The following ZBTB20 variants were observed in gnomAD, a reference collection of about 807,000 sequenced individuals.
The protein encoded by ZBTB20 is zinc finger and BTB domain containing 20, also known as zinc finger and BTB domain-containing protein 20.
ZBTB20 carries 9 observed loss-of-function variants against 56.9 expected under a neutral mutation model. That is an observed-to-expected ratio of 0.16 (90% CI 0.10 to 0.28). The LOEUF is 0.28. Ranked by LOEUF, ZBTB20 falls within the 10% of genes least tolerant of loss-of-function variation. The pLI is 1.00. For missense variants in ZBTB20, 655 were observed against 1,003.0 expected, an observed-to-expected ratio of 0.65 and a Z score of 4.69; for synonymous variants, 417 against 420.7, an observed-to-expected ratio of 0.99 and a Z score of 0.11.
chr3:115,011,211 G>A (rs1414121012), intron 2 of ZBTB20, among the ~76,000 whole-genome samples: 1 of 151,800 alleles, frequency 6.6e-6, no homozygotes, highest in East Asian at 1.9e-4. Flanking sequence ...AGGAGGAAGA[G>A]AAAGAGACAG....
intron 1 of ZBTB20, among the ~76,000 whole-genome samples, chr3:115,134,273 T>A (rs1412206104): frequency 6.6e-6 from 1 of 152,244 alleles, no homozygotes; most frequent in Non-Finnish European, 1.5e-5. Flanking sequence ...TTTTAATTTC[T>A]ATGTAGATTT....
chr3:115,114,661 T>G (rs2083969364), intron 1 of ZBTB20, among the ~76,000 whole-genome samples: 1 of 152,114 alleles, frequency 6.6e-6, no homozygotes, highest in East Asian at 1.9e-4. Context: ...TAGAAACTAG[T>G]TTTACAAATA....
chr3:114,357,335 C>T (rs543222411), intron 10 of ZBTB20: 1 of 152,170 alleles, frequency 6.6e-6, no homozygotes, highest in Non-Finnish European at 1.5e-5. Flanking sequence ...GGAATGGCTA[C>T]CTATGAAAGT....
chr3:114,561,537 T>C (rs541846072), intron 6 of ZBTB20, among the ~76,000 whole-genome samples: 27 of 152,290 alleles, frequency 1.8e-4, no homozygotes, highest in Admixed American at 9.8e-4. Flanking sequence ...TCAGAGTTTT[T>C]CGGTGACCAG....
intron 7 of ZBTB20, among the ~76,000 whole-genome samples, chr3:114,458,407 A>G (rs2092148930): frequency 6.6e-6 from 1 of 152,202 alleles, no homozygotes; most frequent in Non-Finnish European, 1.5e-5. Flanking sequence ...TGAATGGGCA[A>G]AAGAATTAAA....
At chr3:115,071,924 T>C (rs1393997157) in intron 1 of ZBTB20, among the ~76,000 whole-genome samples, 2 of 152,118 alleles carry the variant, frequency 1.3e-5, no homozygotes, top group Admixed American at 6.6e-5. Context: ...TTGCAGCTGG[T>C]CATGCATGCC....
chr3:114,565,000 A>G (rs2052547774), intron 6 of ZBTB20, among the ~76,000 whole-genome samples: 1 of 152,152 alleles, frequency 6.6e-6, no homozygotes, highest in Non-Finnish European at 1.5e-5. Context: ...ATTGTTTCCA[A>G]TGAACACTAA....
At chr3:114,596,639 C>T (rs898571056) in intron 6 of ZBTB20, among the ~76,000 whole-genome samples, 7 of 152,118 alleles carry the variant, frequency 4.6e-5, no homozygotes, top group Admixed American at 4.6e-4. Flanking sequence ...ATGTACACAG[C>T]CGGCCACAGC....
At chr3:114,633,769 T>A (rs1372907058) in intron 6 of ZBTB20, among the ~76,000 whole-genome samples, 1 of 152,124 alleles carries the variant, frequency 6.6e-6, no homozygotes, top group African/African-American at 2.4e-5. Flanking sequence ...GAAATACAAA[T>A]GCACAATATT....
chr3:114,416,783 A>G (rs140343441), intron 7 of ZBTB20, among the ~76,000 whole-genome samples: 109 of 152,252 alleles, frequency 7.2e-4, no homozygotes, highest in African/African-American at 2.6e-3. Context: ...CTTGGTGTAT[A>G]GAGTCCCAAG....
At chr3:114,888,985 T>G (rs1329417355) in intron 4 of ZBTB20, among the ~76,000 whole-genome samples, 2 of 152,160 alleles carry the variant, frequency 1.3e-5, no homozygotes, top group African/African-American at 4.8e-5. Flanking sequence ...TGGTATAATC[T>G]TCTTTTGATA....
chr3:115,114,812 AG>A (rs1338478631), intron 1 of ZBTB20, among the ~76,000 whole-genome samples: 1 of 152,142 alleles, frequency 6.6e-6, no homozygotes, highest in Non-Finnish European at 1.5e-5. Flanking sequence ...TTAAAAAGAC[AG>A]ATCGAATATG....
chr3:114,380,706 C>G, intron 9 of ZBTB20, 71 bp downstream of exon 9: 4 of 1,452,822 alleles, frequency 2.8e-6, no homozygotes, highest in Non-Finnish European at 2.7e-6. Context: ...CTGACATTAT[C>G]CAAGAAAGCA....
chr3:114,417,744 T>G (rs899182892), intron 7 of ZBTB20, among the ~76,000 whole-genome samples: 1 of 152,014 alleles, frequency 6.6e-6, no homozygotes, highest in Non-Finnish European at 1.5e-5. Context: ...CTGTCTTTAA[T>G]GTAAAGGAAA....
In ZBTB20 at chr3:114,391,043, T is replaced by C. The variant is rs138261133; in HGVS notation, c.-254-1938A>G. On this transcript the variant is annotated intron_variant, in intron 7 of 11. Coordinates refer to ENST00000675478, the MANE Select transcript of ZBTB20 (RefSeq NM_001348800.3). ...AGCTACCCAATCCTGTAGATTCTAC[T>C]CTGATTGTGATTCCTGAATCAATAC... Among the ~76,000 whole-genome samples, 5 of 152,216 alleles carry C rather than the reference T, an allele frequency of 3.3e-5. No homozygotes were observed. In the East Asian group the frequency reaches 9.7e-4, roughly 29 times the overall value.
At chr3:114,651,886 G>A (rs1170958548) in intron 6 of ZBTB20, among the ~76,000 whole-genome samples, 1 of 151,898 alleles carries the variant, frequency 6.6e-6, no homozygotes, top group African/African-American at 2.4e-5. Flanking sequence ...ACATCTCTTG[G>A]AATCAGAGCA....
At chr3:114,617,043 A>C (rs1040028770) in intron 6 of ZBTB20, among the ~76,000 whole-genome samples, 1 of 151,902 alleles carries the variant, frequency 6.6e-6, no homozygotes, top group Non-Finnish European at 1.5e-5. Flanking sequence ...TTGCCTCCTA[A>C]CTCATTTTCT....
In ZBTB20 at chr3:114,911,731, A is replaced by G. The variant is rs528970657; in HGVS notation, c.-455-11389T>C. ...ATTACCCACCTAGAGGAACAACAAGAAAAAGACTGAAAAAGCATGATGAAA... is the reference window on the plus strand; with the variant it reads ...ATTACCCACCTAGAGGAACAACAAGGAAAAGACTGAAAAAGCATGATGAAA... On this transcript the variant is annotated intron_variant, in intron 3 of 11. Coordinates refer to ENST00000675478, the MANE Select transcript of ZBTB20 (RefSeq NM_001348800.3). Among the ~76,000 whole-genome samples the G allele has an allele frequency of 1.1e-4, 17 of 152,084 alleles. No individual in the cohort carries two copies. In the South Asian group the frequency reaches 1.2e-3, roughly 11 times the overall value.
chr3:115,044,268 CA>C (rs1324151641), intron 2 of ZBTB20, among the ~76,000 whole-genome samples: 1 of 152,192 alleles, frequency 6.6e-6, no homozygotes, highest in Admixed American at 6.5e-5. Flanking sequence ...TACTGCAAGC[CA>C]ACCAGCGTAG....
Sources: gnomAD v4.1 joint callset for allele counts (sites outside exome capture counted in the v4.1 genomes callset) on GRCh38, gnomAD v4.1.1 for gene constraint, MANE v1.5 for transcripts, NCBI Gene and HGNC (gene_info 2026-07-23, HGNC 2026-07-21) for gene names.